Variants in DIAPH2 observed in about 807,000 individuals in gnomAD.
The protein encoded by DIAPH2 is diaphanous related formin 2, also known as protein diaphanous homolog 2.
DIAPH2 carries 35 observed loss-of-function variants against 92.7 expected under a neutral mutation model. The observed-to-expected ratio is 0.38, with a 90% CI of 0.29 to 0.50. DIAPH2 has a LOEUF of 0.50. Ranked by LOEUF, DIAPH2 falls within the 20% of genes least tolerant of loss-of-function variation. DIAPH2 has a pLI of 0.94. For missense variants in DIAPH2, 701 were observed against 819.5 expected, an observed-to-expected ratio of 0.86 and a Z score of 1.77; for synonymous variants, 301 against 280.4, an observed-to-expected ratio of 1.07 and a Z score of -0.73.
intron 22 of DIAPH2, among the ~76,000 whole-genome samples, chrX:97,241,921 G>A (rs367810683): frequency 1.9e-5 from 2 of 105,838 alleles, no homozygotes; most frequent in South Asian, 4.4e-4. Context: ...GATTACAGGC[G>A]CCCACCACCA....
intron 19 of DIAPH2, among the ~76,000 whole-genome samples, chrX:97,098,236 T>C (rs981563478): frequency 5.4e-5 from 6 of 112,031 alleles, no homozygotes; most frequent in Non-Finnish European, 1.1e-4. Context: ...TTACCCTTTT[T>C]ACGTGTATAA....
intron 17 of DIAPH2, among the ~76,000 whole-genome samples, chrX:97,015,012 A>C (rs1160655618): frequency 1.8e-5 from 2 of 111,751 alleles, no homozygotes; most frequent in Non-Finnish European, 3.8e-5. Context: ...TTTATTTTTT[A>C]GTATATTTGA....
chrX:96,896,932 A>C (rs1417153151), intron 5 of DIAPH2, among the ~76,000 whole-genome samples: 3 of 111,740 alleles, frequency 2.7e-5, no homozygotes, highest in African/African-American at 6.5e-5. Flanking sequence ...TTTCACTATA[A>C]TATAAGAAAA....
intron 2 of DIAPH2, among the ~76,000 whole-genome samples, chrX:96,737,773 A>C (rs1384031524): frequency 8.9e-6 from 1 of 111,774 alleles, no homozygotes; most frequent in Admixed American, 9.5e-5. Context: ...TAGGAATAAG[A>C]AATTTCTGTT....
chrX:96,878,166 A>C (rs2065191523), intron 4 of DIAPH2, among the ~76,000 whole-genome samples: 1 of 112,098 alleles, frequency 8.9e-6, no homozygotes, highest in South Asian at 3.7e-4. Context: ...GGTGATTTTA[A>C]AAATATTTTC....
intron 22 of DIAPH2, among the ~76,000 whole-genome samples, chrX:97,212,822 A>G (rs1183557358): frequency 2.7e-5 from 3 of 111,384 alleles, no homozygotes. Context: ...CTAAAATTAA[A>G]TGAGGCAATC....
intron 23 of DIAPH2, among the ~76,000 whole-genome samples, chrX:97,347,234 G>A (rs1424665235): frequency 4.6e-5 from 5 of 107,743 alleles, no homozygotes; most frequent in African/African-American, 6.8e-5. Flanking sequence ...GAGTACAGGC[G>A]CGTGTCACCA....
intron 23 of DIAPH2, among the ~76,000 whole-genome samples, chrX:97,279,264 A>T (rs1240213390): frequency 2.7e-5 from 3 of 110,642 alleles, no homozygotes; most frequent in East Asian, 2.8e-4. Context: ...TTGATTTTTT[A>T]AAAAAAGAAA....
chrX:97,103,827 T>C (rs760125301), intron 20 of DIAPH2, among the ~76,000 whole-genome samples: 1 of 112,076 alleles, frequency 8.9e-6, no homozygotes, highest in South Asian at 3.7e-4. Flanking sequence ...TGCCCACCTC[T>C]CCTACTTTCA....
intron 3 of DIAPH2, among the ~76,000 whole-genome samples, chrX:96,746,747 A>C (rs1385221262): frequency 9.1e-6 from 1 of 109,556 alleles, no homozygotes; most frequent in Non-Finnish European, 1.9e-5. Flanking sequence ...GGGTCTTGCT[A>C]TTTTGCCCAG....
chrX:96,884,686 A>T, intron 5 of DIAPH2: 2 of 1,210,988 alleles, frequency 1.7e-6, no homozygotes, highest in South Asian at 3.5e-5. Flanking sequence ...AGTATATGTC[A>T]AAGTGTTTGG....
intron 26 of DIAPH2, among the ~76,000 whole-genome samples, chrX:97,539,161 G>A (rs2071120355): frequency 9.0e-6 from 1 of 110,751 alleles, no homozygotes. Context: ...ATCTTTCAAT[G>A]CACAAAATAT....
chrX:96,781,688 C>T (rs1409042831), intron 4 of DIAPH2, among the ~76,000 whole-genome samples: 1 of 108,598 alleles, frequency 9.2e-6, no homozygotes, highest in Non-Finnish European at 1.9e-5. Flanking sequence ...CATTATATTA[C>T]ATAAATAAAA....
chrX:97,342,004 C>G (rs1434400218), intron 23 of DIAPH2, among the ~76,000 whole-genome samples: 1 of 112,162 alleles, frequency 8.9e-6, no homozygotes, highest in African/African-American at 3.2e-5. Context: ...GAGCAACATT[C>G]AGGTCTAAAG....
At chrX:96,836,780 T>G (rs2064896418) in intron 4 of DIAPH2, among the ~76,000 whole-genome samples, 1 of 78,371 alleles carries the variant, frequency 1.3e-5, no homozygotes, top group East Asian at 4.3e-4. Flanking sequence ...CAGGCTGGAG[T>G]GCAGTGGCGC....
intron 22 of DIAPH2, among the ~76,000 whole-genome samples, chrX:97,232,472 C>T (rs943326012): frequency 9.0e-6 from 1 of 111,710 alleles, no homozygotes; most frequent in Admixed American, 9.5e-5. Flanking sequence ...GGTGATCTGC[C>T]TGCCTTGGCT....
intron 26 of DIAPH2, among the ~76,000 whole-genome samples, chrX:97,563,657 G>A (rs1288062356): frequency 1.8e-5 from 2 of 111,710 alleles, no homozygotes; most frequent in Non-Finnish European, 1.9e-5. Flanking sequence ...TGAAGCTCTC[G>A]TGAGGCTCCT....
intron 5 of DIAPH2, among the ~76,000 whole-genome samples, chrX:96,895,376 G>T (rs1319398327): frequency 9.0e-6 from 1 of 111,583 alleles, no homozygotes; most frequent in African/African-American, 3.3e-5. Flanking sequence ...AGATAAATGT[G>T]AATTATCAAA....
At chrX:97,212,105 T>C (rs960071006) in intron 22 of DIAPH2, among the ~76,000 whole-genome samples, 2 of 111,952 alleles carry the variant, frequency 1.8e-5, no homozygotes, top group Non-Finnish European at 3.8e-5. Context: ...TTCCATGGAA[T>C]GATAAATTTT....
Sources: gnomAD v4.1 joint callset for allele counts (sites outside exome capture counted in the v4.1 genomes callset) on GRCh38, gnomAD v4.1.1 for gene constraint, MANE v1.5 for transcripts, NCBI Gene and HGNC (gene_info 2026-07-23, HGNC 2026-07-21) for gene names.